The following METTL16 variants were observed in gnomAD, a reference collection of about 807,000 sequenced individuals.
METTL16 encodes methyltransferase 16, RNA N6-adenosine.
METTL16 carries 19 observed loss-of-function variants against 57.9 expected under a neutral mutation model. That is an observed-to-expected ratio of 0.33 (90% CI 0.23 to 0.48). The LOEUF is 0.48. Ranked by LOEUF, METTL16 falls within the 20% of genes least tolerant of loss-of-function variation. The pLI, the probability that METTL16 is intolerant of heterozygous loss-of-function variation, is 0.99. For missense variants in METTL16, 434 were observed against 691.5 expected, an observed-to-expected ratio of 0.63 and a Z score of 4.18; for synonymous variants, 246 against 255.6, an observed-to-expected ratio of 0.96 and a Z score of 0.36.
chr17:2,420,626 G>A lies in METTL16; in HGVS notation c.1063-30C>T. The A allele has an allele frequency of 1.3e-6, 2 of 1,571,380 alleles. No individual in the cohort carries two copies. Among genetic ancestry groups the A allele is most frequent in the Non-Finnish European group, 1.7e-6 (2 of 1,164,018 alleles). ...TTGGAGGAAAAACAGAATTTTGTGG[G>A]AAATCACGTTTCCCCTCTCTCCAAA... On this transcript the variant is annotated intron_variant, in intron 9 of 9. Coordinates refer to ENST00000263092, the MANE Select transcript of METTL16 (RefSeq NM_024086.4). This position sits in a 1 kb window ranked among gnomAD's most constrained non-coding sequence, Gnocchi z 5.4.
intron 6 of METTL16, among the ~76,000 whole-genome samples, chr17:2,443,381 A>C (rs2066968010): frequency 6.6e-6 from 1 of 152,168 alleles, no homozygotes; most frequent in South Asian, 2.1e-4. Flanking sequence ...ACATTTAAGG[A>C]AGAAATAATA....
intron 5 of METTL16, among the ~76,000 whole-genome samples, chr17:2,464,726 A>G (rs2067177744): frequency 6.6e-6 from 1 of 152,300 alleles, no homozygotes; most frequent in South Asian, 2.1e-4. Context: ...ACATTTAAAT[A>G]TTTAATCCAC....
At chr17:2,504,521 G>A (rs2067515304) in intron 1 of METTL16, among the ~76,000 whole-genome samples, 1 of 152,056 alleles carries the variant, frequency 6.6e-6, no homozygotes, top group South Asian at 2.1e-4. Context: ...CTATAACCAA[G>A]GATATTAGTT....
Position 2,460,657 on chromosome 17 carries a change from G to A in METTL16, c.728+3551C>T, listed in dbSNP as rs568705938. ...TCCCAGCACTTTGGGAGGCCAAGGC[G>A]GGTGGATCACCTGAGGTCGGGAGTT... On this transcript the variant is annotated intron_variant, in intron 6 of 9. Transcript: ENST00000263092. 7.2e-5 allele frequency among the ~76,000 whole-genome samples: 11 copies of A among 152,128 alleles called. No individual in the cohort carries two copies. The South Asian group carries it at 1.0e-3, about 14-fold the overall frequency.
intron 2 of METTL16, among the ~76,000 whole-genome samples, chr17:2,493,681 T>G (rs1304187947): frequency 6.8e-6 from 1 of 146,506 alleles, no homozygotes; most frequent in Non-Finnish European, 1.5e-5. Flanking sequence ...ATTGGGCCAC[T>G]GCACTCCAGT....
intron 8 of METTL16, among the ~76,000 whole-genome samples, chr17:2,430,575 C>T (rs947144872): frequency 3.2e-5 from 4 of 125,066 alleles, no homozygotes; most frequent in East Asian, 4.5e-4. Flanking sequence ...ACCACCACGC[C>T]GGGCTAATTT....
intron 2 of METTL16, among the ~76,000 whole-genome samples, chr17:2,498,672 G>A (rs1259456200): frequency 2.0e-5 from 3 of 151,466 alleles, no homozygotes; most frequent in African/African-American, 7.3e-5. Context: ...CCAGGAGGCG[G>A]AGGTTGCAGT....
intron 1 of METTL16, among the ~76,000 whole-genome samples, chr17:2,507,780 T>C (rs1169468032): frequency 1.3e-5 from 2 of 152,370 alleles, no homozygotes; most frequent in East Asian, 3.9e-4. Context: ...TGTTCTGTAC[T>C]AAGAAAAATT....
rs1305440471 is a variant in METTL16, at chr17:2,447,269, G to T, written c.729-5710C>A. ...GATGTGAGGAGCGCCTCTGCTGGCC[G>T]CAACCCTGTCTGGGAGGTGAGGAGC... On this transcript the variant is annotated intron_variant, in intron 6 of 9. Transcript: ENST00000263092. Among the ~76,000 whole-genome samples, 10 of 136,218 alleles carry T rather than the reference G, an allele frequency of 7.3e-5. No homozygotes were observed. The South Asian group carries it at 2.2e-3, about 31-fold the overall frequency. 89.4% of individuals were successfully genotyped at this position (136,218 alleles called of 152,430 possible).
At position 2,446,966 on chromosome 17, in the gene METTL16, C is replaced by A. The variant is rs1314535295; in HGVS notation, c.729-5407G>T. ...CTCCCAGCCGCCTGCCTTGGCCCCC[C>A]AAAGTGCCGAGATTGCAGCCTCTGC... is the stretch of plus-strand genomic sequence containing the variant. On this transcript the variant is annotated intron_variant, in intron 6 of 9. Coordinates refer to ENST00000263092, the MANE Select transcript of METTL16 (RefSeq NM_024086.4). Among the ~76,000 whole-genome samples, 4 of 151,532 alleles carry A rather than the reference C, an allele frequency of 2.6e-5. No homozygotes were observed. The East Asian group carries it at 7.8e-4, about 29-fold the overall frequency.
At chr17:2,437,048 A>G (rs2066913849) in intron 8 of METTL16, among the ~76,000 whole-genome samples, 2 of 151,906 alleles carry the variant, frequency 1.3e-5, no homozygotes, top group African/African-American at 4.8e-5. Context: ...AAATACAAAA[A>G]TTTTTGTATT....
chr17:2,417,087 A>ATTTTTTTTTTTT lies in METTL16; in HGVS notation c.*2882_*2883insAAAAAAAAAAAA, dbSNP rs1567876454. 7 of 11,366 alleles carry ATTTTTTTTTTTT rather than the reference A, an allele frequency of 6.2e-4. No individual in the cohort carries two copies. The highest frequency in any genetic ancestry group is 2.1e-3 in the African/African-American group (7 of 3,390). The allele number at this position is 11,366 out of a possible 1,614,324, so 0.7% of individuals were successfully genotyped here. A position where few individuals can be genotyped will look rare whatever the true frequency, so the allele number is the denominator to read the frequency against. ...TTTTTTTTTTTTTTTTTTTTTTTTG[A>ATTTTTTTTTTTT]GACAGTCCCACTTTGTCGCCCAGGC... On this transcript the variant is annotated 3_prime_UTR_variant, in exon 10 of 10. Transcript: ENST00000263092.
At chr17:2,444,187 C>T (rs1005041964) in intron 6 of METTL16, among the ~76,000 whole-genome samples, 5 of 152,110 alleles carry the variant, frequency 3.3e-5, no homozygotes, top group South Asian at 4.2e-4. Context: ...GAGTTGAGGC[C>T]GGGCACGGTG....
intron 8 of METTL16, among the ~76,000 whole-genome samples, chr17:2,428,912 G>A (rs1275046178): frequency 6.6e-6 from 1 of 152,112 alleles, no homozygotes; most frequent in African/African-American, 2.4e-5. Context: ...AGGCTGGAGT[G>A]CAGTGGCACA....
At position 2,420,018 on chromosome 17, in the gene METTL16, A is replaced by C. The variant is rs2066748736; in HGVS notation, c.1641T>G (p.Leu547=). ...AAATTTGGTTACGTATGTAGGTGCA[A>C]AGCTGGTTCATCAGATCCCTGTTCT... is the stretch of plus-strand genomic sequence containing the variant. ...EGQNRDLMNQ[L]CTYIRNQIFR... is the part of the protein sequence containing the mutation. Residue 547 remains leucine, a synonymous_variant, in exon 10 of 10, where the codon CTT becomes CTG. Transcript: ENST00000263092. The surrounding 1 kb of genome is among the most constrained non-coding windows in gnomAD (Gnocchi z 5.4). 6.2e-7 allele frequency: 1 copy of C among 1,614,004 alleles called. No homozygotes were observed. Among genetic ancestry groups the C allele is most frequent in the Non-Finnish European group, 8.5e-7 (1 of 1,180,044 alleles).
intron 4 of METTL16, among the ~76,000 whole-genome samples, chr17:2,468,833 A>C (rs2151565831): frequency 6.6e-6 from 1 of 152,222 alleles, no homozygotes; most frequent in East Asian, 1.9e-4. Context: ...GGCTGCAGCG[A>C]GCCATGATCA....
chr17:2,502,675 C>T (rs769911463), intron 1 of METTL16, among the ~76,000 whole-genome samples: 1 of 150,568 alleles, frequency 6.6e-6, no homozygotes, highest in African/African-American at 2.5e-5. Context: ...GCAACAAGAG[C>T]GAAACTCCGT....
At chr17:2,429,400 C>G (rs1027382411) in intron 8 of METTL16, among the ~76,000 whole-genome samples, 9 of 150,744 alleles carry the variant, frequency 6.0e-5, no homozygotes, top group Non-Finnish European at 1.0e-4. Flanking sequence ...GTTGGCCAGG[C>G]TGGTCTCGAA....
Position 2,419,872 on chromosome 17 carries a change from G to T in METTL16, c.*98C>A. 1 of 1,404,294 alleles carries T rather than the reference G, an allele frequency of 7.1e-7. No individual in the cohort carries two copies. Among genetic ancestry groups the T allele is most frequent in the Non-Finnish European group, 9.9e-7 (1 of 1,009,218 alleles). 87.0% of individuals were successfully genotyped at this position (1,404,294 alleles called of 1,614,324 possible). ...TTGTTTTCGAAGATAATTCCACATCGTGCTACTAATGGGCCGCTGGTAGGA... is the reference window on the plus strand; with the variant it reads ...TTGTTTTCGAAGATAATTCCACATCTTGCTACTAATGGGCCGCTGGTAGGA... On this transcript the variant is annotated 3_prime_UTR_variant, in exon 10 of 10. Transcript: ENST00000263092.
Sources: allele counts gnomAD v4.1 joint callset (sites outside exome capture counted in the v4.1 genomes callset), GRCh38; gene constraint gnomAD v4.1.1; non-coding constraint Gnocchi (gnomAD v3.1); transcripts MANE v1.5; gene names NCBI Gene and HGNC (gene_info 2026-07-23, HGNC 2026-07-21).